FMN1: variants seen among roughly 807,000 people sequenced by gnomAD.
The protein encoded by FMN1 is formin-1.
In FMN1, 110 loss-of-function variants were observed where a neutral mutation model predicts 132.4. The observed-to-expected ratio is 0.83, with a 90% confidence interval of 0.71 to 0.97. The LOEUF is 0.97. Ranked by LOEUF, FMN1 falls within the 50% of genes least tolerant of loss-of-function variation. FMN1 has a pLI of 0.00. For missense variants in FMN1, 1,792 were observed against 1,705.3 expected (o/e 1.05, Z -0.90); for synonymous variants, 722 against 651.7 (o/e 1.11, Z -1.64).
chr15:32,923,191 T>A (rs960776090), intron 10 of FMN1, among the ~76,000 whole-genome samples: 1 of 152,196 alleles, frequency 6.6e-6, no homozygotes, highest in African/African-American at 2.4e-5. Context: ...TGTGAGATCT[T>A]GCCAGGCGGC....
At chr15:32,912,764 T>G (rs114710791) in intron 10 of FMN1, among the ~76,000 whole-genome samples, 1,659 of 152,130 alleles carry the variant, frequency 0.011, 29 homozygotes, top group African/African-American at 0.038. Context: ...AAGGTGACTA[T>G]CATGGACAGA....
intron 6 of FMN1, among the ~76,000 whole-genome samples, chr15:33,022,082 T>C (rs2035442379): frequency 6.6e-6 from 1 of 152,212 alleles, no homozygotes; most frequent in African/African-American, 2.4e-5. Context: ...ATATAAATGG[T>C]GTAGCATTTG....
intron 16 of FMN1, among the ~76,000 whole-genome samples, chr15:32,873,200 A>G (rs2059556862): frequency 6.6e-6 from 1 of 152,250 alleles, no homozygotes; most frequent in South Asian, 2.1e-4. Context: ...CTCCACAGAC[A>G]CTTGTAAATC....
intron 4 of FMN1, among the ~76,000 whole-genome samples, chr15:33,128,406 C>T (rs944402981): frequency 6.6e-6 from 1 of 152,136 alleles, no homozygotes; most frequent in Non-Finnish European, 1.5e-5. Flanking sequence ...GCCATTTGTT[C>T]ATCAACAAAA....
chr15:32,844,779 A>C (rs1284909412), intron 17 of FMN1, among the ~76,000 whole-genome samples: 1 of 152,208 alleles, frequency 6.6e-6, no homozygotes, highest in African/African-American at 2.4e-5. Context: ...GGTAAGTAAA[A>C]TTTCTGTGAT....
At chr15:32,801,648 ATT>A (rs2140992409) in intron 18 of FMN1, among the ~76,000 whole-genome samples, 2 of 152,294 alleles carry the variant, frequency 1.3e-5, no homozygotes, top group Admixed American at 1.3e-4. Flanking sequence ...AAAAAAAATT[ATT>A]CAGGCGTGGT....
At chr15:33,020,721 C>G (rs533538255) in intron 6 of FMN1, among the ~76,000 whole-genome samples, 83 of 151,602 alleles carry the variant, frequency 5.5e-4, no homozygotes, top group Non-Finnish European at 8.2e-4. Flanking sequence ...AGGCACTGAA[C>G]TAAGCATTGT....
At chr15:32,822,078 C>A (rs1397657627) in intron 17 of FMN1, among the ~76,000 whole-genome samples, 1 of 152,110 alleles carries the variant, frequency 6.6e-6, no homozygotes, top group African/African-American at 2.4e-5. Context: ...AAGAGAAGAT[C>A]TGTGAGATAC....
intron 4 of FMN1, among the ~76,000 whole-genome samples, chr15:33,090,652 C>A (rs2038870813): frequency 6.6e-6 from 1 of 152,128 alleles, no homozygotes. Context: ...AGTGCCTTTC[C>A]ACTCAATCCC....
chr15:32,940,187 G>A (rs1175999566), intron 9 of FMN1, among the ~76,000 whole-genome samples: 1 of 152,052 alleles, frequency 6.6e-6, no homozygotes, highest in African/African-American at 2.4e-5. Flanking sequence ...TTTCATGAAT[G>A]ACCTCTTGGC....
intron 6 of FMN1, among the ~76,000 whole-genome samples, chr15:33,053,096 C>G (rs1169356021): frequency 6.6e-6 from 1 of 152,124 alleles, no homozygotes; most frequent in Non-Finnish European, 1.5e-5. Flanking sequence ...TGACCTCATT[C>G]TTCTTGAACG....
chr15:32,907,153 AGAT>A (rs2060446327), intron 12 of FMN1, among the ~76,000 whole-genome samples: 1 of 152,144 alleles, frequency 6.6e-6, no homozygotes, highest in Non-Finnish European at 1.5e-5. Flanking sequence ...GATGGTTTCA[AGAT>A]GATTCAAGCA....
intron 16 of FMN1, among the ~76,000 whole-genome samples, chr15:32,874,017 G>GT (rs962842419): frequency 0.042 from 4,845 of 115,010 alleles, 370 homozygotes; most frequent in African/African-American, 0.13. Flanking sequence ...TATTTTAGTT[G>GT]TTTTTTTTTT....
intron 3 of FMN1, among the ~76,000 whole-genome samples, chr15:33,163,440 A>AGC (rs1477148676): frequency 6.0e-5 from 9 of 151,114 alleles, no homozygotes; most frequent in Middle Eastern, 3.5e-3. Context: ...GATTACAGGC[A>AGC]CGCACCACCA....
intron 19 of FMN1, among the ~76,000 whole-genome samples, chr15:32,797,996 C>T (rs1041870279): frequency 6.6e-6 from 1 of 152,108 alleles, no homozygotes; most frequent in African/African-American, 2.4e-5. Flanking sequence ...TTTTTGTCTC[C>T]TTCCACTCTG....
intron 7 of FMN1, among the ~76,000 whole-genome samples, chr15:33,004,167 T>C (rs1205603300): frequency 2.0e-5 from 3 of 152,014 alleles, no homozygotes; most frequent in Non-Finnish European, 4.4e-5. Flanking sequence ...CCAAAAGCAA[T>C]GGCAACAAAA....
At chr15:33,016,625 G>A (rs1313691746) in intron 6 of FMN1, among the ~76,000 whole-genome samples, 1 of 152,206 alleles carries the variant, frequency 6.6e-6, no homozygotes, top group Admixed American at 6.5e-5. Flanking sequence ...CAGCTGGTGA[G>A]AGGCTGTTAC....
At chr15:32,888,089 G>T in intron 16 of FMN1, 83 bp downstream of exon 16, 2 of 1,243,060 alleles carry the variant, frequency 1.6e-6, no homozygotes, top group Non-Finnish European at 2.2e-6. Context: ...CCCACTCTAT[G>T]AACCAGACCT....
At chr15:32,823,412 C>T (rs546009549) in intron 17 of FMN1, among the ~76,000 whole-genome samples, 2 of 152,204 alleles carry the variant, frequency 1.3e-5, no homozygotes, top group South Asian at 2.1e-4. Flanking sequence ...GATCCGCCCA[C>T]CTTGGCCTCC....
Sources: allele counts gnomAD v4.1 joint callset (sites outside exome capture counted in the v4.1 genomes callset), GRCh38; gene constraint gnomAD v4.1.1; transcripts MANE v1.5; gene names NCBI Gene and HGNC (gene_info 2026-07-23, HGNC 2026-07-21).